The following DPH5 variants were observed in gnomAD, a reference collection of about 807,000 sequenced individuals.
The protein encoded by DPH5 is diphthine methyl ester synthase.
DPH5 carries 31 observed loss-of-function variants against 31.6 expected under a neutral mutation model. The observed-to-expected ratio is 0.98, with a 90% CI of 0.74 to 1.32. DPH5 has a LOEUF of 1.32. DPH5 is among the 40% of genes most tolerant of loss of function. The pLI is 0.00. For missense variants in DPH5, 309 were observed against 335.7 expected, an observed-to-expected ratio of 0.92 and a Z score of 0.62; for synonymous variants, 120 against 115.0, an observed-to-expected ratio of 1.04 and a Z score of -0.28.
intron 4 of DPH5, among the ~76,000 whole-genome samples, chr1:101,012,103 G>C (rs139295869): frequency 0.027 from 4,032 of 151,990 alleles, 186 homozygotes; most frequent in African/African-American, 0.09. Context: ...GTTTCACCAT[G>C]TTGGCCAGGC....
intron 3 of DPH5, among the ~76,000 whole-genome samples, chr1:101,017,579 A>G (rs1660166473): frequency 6.6e-6 from 1 of 152,230 alleles, no homozygotes; most frequent in Admixed American, 6.5e-5. Context: ...TCCTGATAAA[A>G]ATTCCAGGCC....
At chr1:101,009,630 C>A (rs1016769675) in intron 4 of DPH5, among the ~76,000 whole-genome samples, 2 of 152,312 alleles carry the variant, frequency 1.3e-5, no homozygotes, top group African/African-American at 4.8e-5. Flanking sequence ...AGAATTTCCT[C>A]AATTCCAATC....
chr1:100,991,411 T>C (rs1267113652), intron 7 of DPH5, among the ~76,000 whole-genome samples: 1 of 152,230 alleles, frequency 6.6e-6, no homozygotes, highest in Non-Finnish European at 1.5e-5. Context: ...TACAAAGTTA[T>C]GGATATAGAA....
intron 6 of DPH5, among the ~76,000 whole-genome samples, chr1:100,993,559 A>T (rs6672450): frequency 7.1e-3 from 395 of 55,956 alleles, no homozygotes; most frequent in East Asian, 0.011. Context: ...CGAAAATATA[A>T]ATATATATAT....
Position 101,013,947 on chromosome 1 carries a change from T to G in DPH5, c.261-129A>C, listed in dbSNP as rs1659880865. On this transcript the variant is annotated intron_variant, in intron 3 of 7. Coordinates refer to ENST00000370109, the MANE Select transcript of DPH5 (RefSeq NM_015958.3). ...CTTTCTTCAAATTCTTCCACACACC[T>G]GCATAAGGCTTTCATCTGAGCTTTT... 6 of 628,812 alleles carry G rather than the reference T, an allele frequency of 9.5e-6. No individual in the cohort carries two copies. The South Asian group carries it at 1.6e-4, about 16-fold the overall frequency. The allele number at this position is 628,812 out of a possible 1,614,324, so 39.0% of individuals were successfully genotyped here.
intron 3 of DPH5, among the ~76,000 whole-genome samples, chr1:101,016,049 T>G (rs1178828325): frequency 6.6e-6 from 1 of 152,194 alleles, no homozygotes; most frequent in African/African-American, 2.4e-5. Flanking sequence ...AGTAGCACTT[T>G]TAATTTCCAT....
Position 100,995,148 on chromosome 1 carries a change from G to A in DPH5, c.492C>T (p.Asp164=). ...CCAAAGACTGCTCCTTTACTTTGAT[G>A]TCTGTAGGAAGTAAAAATAGTTCTT... ...QNGMHTLCLL[D]IKVKEQSLEN... The change falls in exon 6 of 8, where the codon GAC becomes GAT. Residue 164 remains aspartate, a splice_region_variant and synonymous_variant. Coordinates refer to ENST00000370109, the MANE Select transcript of DPH5 (RefSeq NM_015958.3). 1 of 1,569,196 alleles carries A rather than the reference G, an allele frequency of 6.4e-7. No homozygotes were observed. The highest frequency in any genetic ancestry group is 8.8e-7 in the Non-Finnish European group (1 of 1,140,670).
chr1:101,021,673 A>G lies in DPH5; in HGVS notation c.228T>C (p.Asp76=). 1 of 1,613,946 alleles carries G rather than the reference A, an allele frequency of 6.2e-7. No homozygotes were observed. The highest frequency in any genetic ancestry group is 2.2e-5 in the East Asian group (1 of 44,862). Residue 76 remains aspartate (D), a synonymous_variant, in exon 3 of 8, where the codon GAT becomes GAC. Transcript: ENST00000370109. The part of the protein sequence containing the change: ...DNILKDADIS[D]VAFLVVGDPF... ...GATCACCAACCACAAGGAATGCAAC[A>G]TCACTGATATCAGCATCCTTTAAAA...
chr1:100,996,614 T>C (rs1365247222), intron 5 of DPH5, among the ~76,000 whole-genome samples: 3 of 152,288 alleles, frequency 2.0e-5, no homozygotes, highest in South Asian at 2.1e-4. Flanking sequence ...ATAAATTTAC[T>C]CAAGTGACTC....
At chr1:101,009,754 A>G (rs1177945099) in intron 4 of DPH5, among the ~76,000 whole-genome samples, 1 of 152,218 alleles carries the variant, frequency 6.6e-6, no homozygotes. Flanking sequence ...TATGTCACTT[A>G]GGATAACATC....
chr1:100,992,304 C>T (rs2101135033), intron 7 of DPH5, among the ~76,000 whole-genome samples: 1 of 152,000 alleles, frequency 6.6e-6, no homozygotes, highest in African/African-American at 2.4e-5. Flanking sequence ...ATAGATCTCA[C>T]CATTGATTAG....
At chr1:101,001,393 C>T in intron 5 of DPH5, 74 bp downstream of exon 5, 1 of 1,497,696 alleles carries the variant, frequency 6.7e-7, no homozygotes, top group South Asian at 1.3e-5. Context: ...ATCCACAGAC[C>T]TTAACACAAA....
chr1:101,019,587 G>T (rs1369780262), intron 3 of DPH5, among the ~76,000 whole-genome samples: 1 of 152,048 alleles, frequency 6.6e-6, no homozygotes, highest in Non-Finnish European at 1.5e-5. Flanking sequence ...TCATATCTAA[G>T]AATTTCAGTG....
intron 2 of DPH5, among the ~76,000 whole-genome samples, chr1:101,022,398 A>G (rs1355978923): frequency 2.6e-5 from 4 of 152,246 alleles, no homozygotes; most frequent in African/African-American, 9.6e-5. Flanking sequence ...GAAGTTTGCA[A>G]ACAAACTGCT....
At chr1:101,017,260 C>T (rs183381246) in intron 3 of DPH5, among the ~76,000 whole-genome samples, 22 of 152,258 alleles carry the variant, frequency 1.4e-4, no homozygotes, top group Non-Finnish European at 2.8e-4. Context: ...TATGCCTGTA[C>T]ATAAATTTTC....
intron 4 of DPH5, among the ~76,000 whole-genome samples, chr1:101,005,743 A>G (rs1334540081): frequency 6.6e-6 from 1 of 152,260 alleles, no homozygotes; most frequent in Non-Finnish European, 1.5e-5. Flanking sequence ...CATTATATGC[A>G]TGGCACTGTG....
chr1:100,993,598 A>ATATATATATATATATG (rs71084858), intron 6 of DPH5, among the ~76,000 whole-genome samples: 2 of 128,238 alleles, frequency 1.6e-5, no homozygotes, highest in African/African-American at 2.9e-5. Flanking sequence ...ATATATATAT[A>ATATATATATATATATG]GCTATTGTGG....
chr1:101,019,451 G>A (rs1323626310), intron 3 of DPH5, among the ~76,000 whole-genome samples: 1 of 152,008 alleles, frequency 6.6e-6, no homozygotes, highest in Non-Finnish European at 1.5e-5. Context: ...TTTGTCATGT[G>A]TCATTTTACC....
At chr1:101,014,800 T>C (rs1659949856) in intron 3 of DPH5, among the ~76,000 whole-genome samples, 1 of 152,226 alleles carries the variant, frequency 6.6e-6, no homozygotes, top group Non-Finnish European at 1.5e-5. Flanking sequence ...TATGATATTC[T>C]AAATCCTTTG....
Sources: gnomAD v4.1 joint callset for allele counts (sites outside exome capture counted in the v4.1 genomes callset) on GRCh38, gnomAD v4.1.1 for gene constraint, MANE v1.5 for transcripts, NCBI Gene and HGNC (gene_info 2026-07-23, HGNC 2026-07-21) for gene names.